Variants in CCNL2 observed in about 807,000 individuals in gnomAD.
The protein encoded by CCNL2 is cyclin-L2.
Under a neutral mutation model 59.1 loss-of-function variants are expected in CCNL2, and 28 were observed. The observed-to-expected ratio is 0.47, with a 90% CI of 0.35 to 0.65. CCNL2 has a LOEUF of 0.65. CCNL2 is among the 30% of genes least tolerant of loss of function. The pLI is 0.00. For synonymous variants in CCNL2, 342 were observed against 288.6 expected, an observed-to-expected ratio of 1.19 and a Z score of -1.88; for missense variants, 714 against 717.4, an observed-to-expected ratio of 1.00 and a Z score of 0.05.
In CCNL2 at chr1:1,388,531, C is replaced by T. The variant is rs796696044; in HGVS notation, c.1007-466G>A. 3.5e-5 allele frequency: 16 copies of T among 452,442 alleles called. 1 individual carries two copies. Among genetic ancestry groups the T allele is most frequent in the African/African-American group, 3.2e-4 (16 of 49,758 alleles). The allele number at this position is 452,442 out of a possible 1,614,324, so 28.0% of individuals were successfully genotyped here. A position where few individuals can be genotyped will look rare whatever the true frequency, so the allele number is the denominator to read the frequency against. ...AGACTCTGTCTCAAGAAAAACAAAA[C>T]AAAACAAAAAAACCCCAAAACATGT... is the stretch of plus-strand genomic sequence containing the variant. On this transcript the variant is annotated intron_variant, in intron 8 of 10. Transcript: ENST00000400809.
chr1:1,394,166 T>G (rs950764739), intron 4 of CCNL2, among the ~76,000 whole-genome samples: 43 of 150,372 alleles, frequency 2.9e-4, no homozygotes, highest in African/African-American at 1.0e-3. Context: ...GTGGGCAATT[T>G]GTGGATAATT....
At chr1:1,388,280 C>T (rs1247753803) in intron 8 of CCNL2, 17 of 557,686 alleles carry the variant, frequency 3.0e-5, no homozygotes, top group South Asian at 1.0e-4. Flanking sequence ...CCCAGCACTT[C>T]GGGAGGCCGA....
At chr1:1,398,045 C>G (rs745447207) in intron 3 of CCNL2, among the ~76,000 whole-genome samples, 188 bp downstream of exon 3, 1 of 152,234 alleles carries the variant, frequency 6.6e-6, no homozygotes, top group African/African-American at 2.4e-5. Flanking sequence ...GAGCCCCTGC[C>G]CTTACTAAAC....
At chr1:1,390,915 G>A (rs749605473) in intron 5 of CCNL2, 50 bp from the exon 6 acceptor site, 1 of 1,444,648 alleles carries the variant, frequency 6.9e-7, no homozygotes, top group Admixed American at 1.7e-5. Context: ...GGGAACCCAG[G>A]TCTTCCGCCT....
intron 5 of CCNL2, chr1:1,392,107 G>A: frequency 5.6e-6 from 1 of 179,126 alleles, no homozygotes; most frequent in Non-Finnish European, 1.1e-5. Context: ...GGCATCACGG[G>A]GGAATCTGTG....
chr1:1,398,007 G>C (rs1045976862), intron 3 of CCNL2, among the ~76,000 whole-genome samples: 6 of 152,172 alleles, frequency 3.9e-5, no homozygotes, highest in African/African-American at 1.2e-4. Flanking sequence ...GCCCCAGCGC[G>C]ACCCGCCACA....
At chr1:1,390,167 CG>C (rs1254481101) in intron 8 of CCNL2, 62 bp downstream of exon 8, 1 of 1,450,836 alleles carries the variant, frequency 6.9e-7, no homozygotes, top group Non-Finnish European at 9.4e-7. Flanking sequence ...AGAATGGAGG[CG>C]GGGGAGAGTC....
chr1:1,392,893 T>C (rs1299029355), intron 5 of CCNL2: 1 of 1,346,002 alleles, frequency 7.4e-7, no homozygotes, highest in Non-Finnish European at 1.0e-6. Context: ...AGCAAAAATA[T>C]GACCCTTACA....
chr1:1,392,358 T>C (rs929777963), intron 5 of CCNL2: 3 of 1,036,904 alleles, frequency 2.9e-6, no homozygotes, highest in Non-Finnish European at 3.5e-6. Flanking sequence ...AATTTAAAGA[T>C]GCACACCTTT....
At chr1:1,398,814 C>T in intron 1 of CCNL2, 143 bp from the exon 2 acceptor site, 1 of 1,255,850 alleles carries the variant, frequency 8.0e-7, no homozygotes, top group East Asian at 2.4e-5. Context: ...TCGCGTCCCG[C>T]CGTCTCGGGA....
At position 1,398,329 on chromosome 1, in the gene CCNL2, G is replaced by A. The variant is rs750399942; in HGVS notation, c.377C>T (p.Ala126Val). 3 of 1,614,122 alleles carry A rather than the reference G, an allele frequency of 1.9e-6. No homozygotes were observed. The highest frequency in any genetic ancestry group is 2.5e-6 in the Non-Finnish European group (3 of 1,179,998). ...TATCTTGGAAGCCAGGTGGACACAG[G>A]CCATTGACACATGCTGAAGCGGAAG... is the stretch of plus-strand genomic sequence containing the variant. The part of the protein sequence containing the change: ...VKHSMEHVSM[A>V]CVHLASKIEE... The change falls in exon 3 of 11, where the codon GCC becomes GTC. Residue 126 changes from alanine to valine, a missense_variant. Physicochemically the swap from Ala to Val is moderately conservative, Grantham distance 64. This residue lies in a region of CCNL2 where 270 missense variants were observed against 254.9 expected (regional missense o/e 1.06). Coordinates refer to ENST00000400809, the MANE Select transcript of CCNL2 (RefSeq NM_030937.6).
At chr1:1,388,546 C>G in intron 8 of CCNL2, 1 of 446,578 alleles carries the variant, frequency 2.2e-6, no homozygotes, top group Non-Finnish European at 4.4e-6. Context: ...CAAAAAAACC[C>G]CAAAACATGT....
chr1:1,396,824 C>A (rs1173281151), intron 3 of CCNL2, among the ~76,000 whole-genome samples: 2 of 151,710 alleles, frequency 1.3e-5, no homozygotes, highest in Non-Finnish European at 2.9e-5. Context: ...TCTCAGCTCA[C>A]TGCAAGCTCC....
At chr1:1,388,554 T>C (rs1644584415) in intron 8 of CCNL2, 3 of 393,482 alleles carry the variant, frequency 7.6e-6, no homozygotes, top group Non-Finnish European at 1.5e-5. Flanking sequence ...CCCCAAAACA[T>C]GTGAGTGTGT....
At position 1,398,625 on chromosome 1, in the gene CCNL2, G is replaced by A. The variant is rs370863686; in HGVS notation, c.335C>T (p.Thr112Ile). Residue 112 changes from threonine (T) to isoleucine (I), a missense_variant, in exon 2 of 11, where the codon ACC becomes ATC. Coordinates refer to ENST00000400809, the MANE Select transcript of CCNL2 (RefSeq NM_030937.6). ...GQVLFQRFFYTKSFVKHSMEH... is the reference protein window; with the variant it reads ...GQVLFQRFFYIKSFVKHSMEH... ...CATGGAGTGCTTCACGAAGGACTTG[G>A]TATAAAAGAACCGCTGGAACAACAC... The A allele has an allele frequency of 3.1e-6, 5 of 1,614,036 alleles. No homozygotes were observed. The highest frequency in any genetic ancestry group is 4.2e-6 in the Non-Finnish European group (5 of 1,179,984).
At chr1:1,394,781 A>T (rs919811059) in intron 4 of CCNL2, among the ~76,000 whole-genome samples, 2 of 147,496 alleles carry the variant, frequency 1.4e-5, no homozygotes, top group African/African-American at 2.5e-5. Flanking sequence ...AAAAAAGGCC[A>T]GGCACAGTGG....
rs576939314 is a variant in CCNL2, at chr1:1,390,079, C to A, written c.1006+151G>T. 1.7e-5 allele frequency: 12 copies of A among 714,090 alleles called. No individual in the cohort carries two copies. In the South Asian group the frequency reaches 2.5e-4, roughly 15 times the overall value. 44.2% of individuals were successfully genotyped at this position (714,090 alleles called of 1,614,324 possible). On this transcript the variant is annotated intron_variant, in intron 8 of 10. Transcript: ENST00000400809. ...GCTGCAGTGAGCTGCGATCACACCA[C>A]CATACTCCAGCCTGGGTGACAGAGA...
At chr1:1,398,416 G>C in intron 2 of CCNL2, 74 bp from the exon 3 acceptor site, 1 of 1,603,878 alleles carries the variant, frequency 6.2e-7, no homozygotes. Context: ...AAAGGCTTGA[G>C]GGCTATTCAG....
At chr1:1,391,570 A>G (rs1644764076) in intron 5 of CCNL2, 1 of 1,304,998 alleles carries the variant, frequency 7.7e-7, no homozygotes, top group South Asian at 1.2e-5. Flanking sequence ...CATTTCAACA[A>G]GGGGTCTTAA....
Sources: gnomAD v4.1 joint callset for allele counts (sites outside exome capture counted in the v4.1 genomes callset) on GRCh38, gnomAD v4.1.1 for gene constraint, gnomAD v4.1.1 regional missense constraint, MANE v1.5 for transcripts, NCBI Gene and HGNC (gene_info 2026-07-23, HGNC 2026-07-21) for gene names.